The following AP3B1 variants were observed in gnomAD, a reference collection of about 807,000 sequenced individuals.
The protein encoded by AP3B1 is adaptor related protein complex 3 subunit beta 1.
Under a neutral mutation model 132.5 loss-of-function variants are expected in AP3B1, and 61 were observed. That is an observed-to-expected ratio of 0.46 (90% CI 0.37 to 0.57). The LOEUF (loss-of-function observed/expected upper bound fraction) is 0.57, where lower values mean the gene tolerates loss of function less well. Among genes scored for constraint, AP3B1 ranks in the 20% least tolerant of loss-of-function variants. The pLI is 0.00. For synonymous variants in AP3B1, 388 were observed against 438.3 expected (o/e 0.89, Z 1.43); for missense variants, 1,120 against 1,289.4 (o/e 0.87, Z 2.01).
intron 21 of AP3B1, among the ~76,000 whole-genome samples, chr5:78,094,300 GT>G (rs1750677240): frequency 1.3e-5 from 2 of 152,164 alleles, no homozygotes; most frequent in African/African-American, 4.8e-5. Flanking sequence ...TAGAACAAAT[GT>G]TTTCTTATGT....
rs567730387 is a variant in AP3B1, at chr5:78,151,039, C to T, written c.1473+5219G>A. 5.3e-5 allele frequency among the ~76,000 whole-genome samples: 8 copies of T among 152,310 alleles called. No individual in the cohort carries two copies. In the East Asian group the frequency reaches 1.4e-3, roughly 26 times the overall value. On this transcript the variant is annotated intron_variant, in intron 14 of 26. Transcript: ENST00000255194. ...GTTCCACCGATTCTCCTGCTTCAGC[C>T]TCCCAGGTAGCTGGGATTACAGGCA...
At chr5:78,136,553 T>A (rs541398192) in intron 15 of AP3B1, among the ~76,000 whole-genome samples, 6 of 152,146 alleles carry the variant, frequency 3.9e-5, no homozygotes, top group Non-Finnish European at 2.9e-5. Flanking sequence ...TCATGCTCAT[T>A]AGGAGGCACA....
At chr5:78,162,704 A>G (rs1743436857) in intron 13 of AP3B1, 115 bp downstream of exon 13, 1 of 1,075,116 alleles carries the variant, frequency 9.3e-7, no homozygotes, top group African/African-American at 1.6e-5. Flanking sequence ...TGACCATACT[A>G]CTGATATAAC....
At chr5:78,267,003 T>G (rs917061292) in intron 2 of AP3B1, among the ~76,000 whole-genome samples, 7 of 152,182 alleles carry the variant, frequency 4.6e-5, no homozygotes, top group African/African-American at 1.7e-4. Context: ...ATCAATTGTT[T>G]ATGTTTTGCT....
chr5:78,065,809 G>C (rs1749265670), intron 22 of AP3B1, among the ~76,000 whole-genome samples: 1 of 152,172 alleles, frequency 6.6e-6, no homozygotes, highest in African/African-American at 2.4e-5. Flanking sequence ...CCTCCACCAA[G>C]GGTTAGCCAG....
intron 7 of AP3B1, among the ~76,000 whole-genome samples, chr5:78,206,548 C>G (rs112431314): frequency 6.6e-5 from 10 of 152,120 alleles, no homozygotes; most frequent in African/African-American, 2.4e-4. Context: ...CCTGACCACA[C>G]TCCTCACATA....
intron 15 of AP3B1, among the ~76,000 whole-genome samples, chr5:78,140,700 A>G (rs1753109187): frequency 6.6e-6 from 1 of 152,218 alleles, no homozygotes; most frequent in African/African-American, 2.4e-5. Context: ...ATAAACTTTC[A>G]GACCATTGTA....
At chr5:78,087,423 A>G (rs1750308871) in intron 22 of AP3B1, 3 of 553,618 alleles carry the variant, frequency 5.4e-6, no homozygotes, top group Non-Finnish European at 6.9e-6. Context: ...GACATTCTGC[A>G]GTAGAATATT....
At chr5:78,240,963 T>A (rs369498224) in intron 2 of AP3B1, 27 bp from the exon 3 acceptor site, 78 of 1,477,454 alleles carry the variant, frequency 5.3e-5, no homozygotes, top group Non-Finnish European at 7.2e-5. Context: ...ACAGACAATA[T>A]GGGAAATTCT....
chr5:78,271,370 G>A (rs894244679), intron 1 of AP3B1, among the ~76,000 whole-genome samples: 7 of 152,236 alleles, frequency 4.6e-5, no homozygotes, highest in African/African-American at 9.6e-5. Context: ...GCAGTGAGCC[G>A]AGATGGCACC....
chr5:78,236,451 G>A (rs79328580), intron 3 of AP3B1, among the ~76,000 whole-genome samples: 3,446 of 152,296 alleles, frequency 0.023, 146 homozygotes, highest in African/African-American at 0.076. Context: ...AACAGAGGGA[G>A]GAATCATCAA....
At chr5:78,144,128 A>G (rs889369013) in intron 14 of AP3B1, among the ~76,000 whole-genome samples, 7 of 152,212 alleles carry the variant, frequency 4.6e-5, no homozygotes, top group Non-Finnish European at 8.8e-5. Context: ...ACACAGGTAC[A>G]GACACACACA....
intron 1 of AP3B1, among the ~76,000 whole-genome samples, chr5:78,285,727 C>T (rs1243309222): frequency 3.3e-5 from 5 of 152,172 alleles, no homozygotes; most frequent in South Asian, 4.1e-4. Context: ...TTCCAAACTT[C>T]GAGCTGTGTA....
intron 2 of AP3B1, among the ~76,000 whole-genome samples, chr5:78,246,743 A>G (rs1455637804): frequency 6.6e-6 from 1 of 152,036 alleles, no homozygotes; most frequent in Non-Finnish European, 1.5e-5. Context: ...AGGTTTATCA[A>G]TTTTATCTAT....
At chr5:78,187,741 T>C (rs1744659498) in intron 7 of AP3B1, among the ~76,000 whole-genome samples, 1 of 152,154 alleles carries the variant, frequency 6.6e-6, no homozygotes, top group African/African-American at 2.4e-5. Flanking sequence ...TATTTTAAAA[T>C]TCATATGAAA....
intron 1 of AP3B1, among the ~76,000 whole-genome samples, chr5:78,289,059 T>C (rs1289024367): frequency 2.6e-5 from 4 of 152,132 alleles, no homozygotes; most frequent in African/African-American, 9.7e-5. Flanking sequence ...AATGACTCTT[T>C]GAGGTAGGTC....
intron 21 of AP3B1, among the ~76,000 whole-genome samples, chr5:78,096,769 G>C (rs1246374605): frequency 6.6e-6 from 1 of 151,252 alleles, no homozygotes; most frequent in East Asian, 2.0e-4. Context: ...GAGCCCCTCC[G>C]CCCGGCAGCC....
At chr5:78,281,815 G>C (rs1324974906) in intron 1 of AP3B1, among the ~76,000 whole-genome samples, 1 of 152,084 alleles carries the variant, frequency 6.6e-6, no homozygotes, top group East Asian at 1.9e-4. Flanking sequence ...GAGAGGGATG[G>C]TGGTAACGAT....
chr5:78,204,113 A>T (rs1408363512), intron 7 of AP3B1, among the ~76,000 whole-genome samples: 3 of 151,952 alleles, frequency 2.0e-5, no homozygotes, highest in Non-Finnish European at 2.9e-5. Flanking sequence ...TTTCTTGTGG[A>T]TGGAACAAAT....
Sources: allele counts gnomAD v4.1 joint callset (sites outside exome capture counted in the v4.1 genomes callset), GRCh38; gene constraint gnomAD v4.1.1; transcripts MANE v1.5; gene names NCBI Gene and HGNC (gene_info 2026-07-23, HGNC 2026-07-21).